Variants in GABRA3 observed in about 807,000 individuals in gnomAD.
The protein encoded by GABRA3 is gamma-aminobutyric acid receptor subunit alpha-3.
Under a neutral mutation model 30.1 loss-of-function variants are expected in GABRA3, and 10 were observed. That is an observed-to-expected ratio of 0.33 (90% CI 0.20 to 0.56). The LOEUF (loss-of-function observed/expected upper bound fraction) is 0.56, where lower values mean the gene tolerates loss of function less well. GABRA3 is among the 20% of genes least tolerant of loss of function. GABRA3 has a pLI of 0.89. For synonymous variants in GABRA3, 151 were observed against 146.8 expected (o/e 1.03, Z -0.21); for missense variants, 233 against 392.0 (o/e 0.59, Z 3.42).
intron 1 of GABRA3, among the ~76,000 whole-genome samples, chrX:152,387,954 A>G (rs1929368107): frequency 8.9e-6 from 1 of 111,761 alleles, no homozygotes; most frequent in East Asian, 2.8e-4. Context: ...ACTGGACAGA[A>G]AAAAACCAAA....
chrX:152,394,447 C>T, intron 1 of GABRA3: 1 of 385,768 alleles, frequency 2.6e-6, no homozygotes, highest in Middle Eastern at 4.3e-4. Context: ...ATCCGTGGTG[C>T]ATAAGCAGCC....
chrX:152,322,844 C>CT (rs1172827692), intron 3 of GABRA3, among the ~76,000 whole-genome samples: 2,883 of 61,232 alleles, frequency 0.047, 830 homozygotes, highest in African/African-American at 0.052. Flanking sequence ...AAAGTCTACT[C>CT]TTTTTTTTTT....
intron 5 of GABRA3, among the ~76,000 whole-genome samples, chrX:152,241,068 G>A (rs1400860594): frequency 9.1e-6 from 1 of 109,993 alleles, no homozygotes; most frequent in Admixed American, 9.7e-5. Flanking sequence ...GAGGAGAAGA[G>A]GCGCTCTGCG....
chrX:152,252,501 C>G (rs752073046), intron 5 of GABRA3, among the ~76,000 whole-genome samples: 2 of 110,807 alleles, frequency 1.8e-5, no homozygotes, highest in Admixed American at 9.7e-5. Context: ...ATAATAGTAC[C>G]TATCTCATAC....
chrX:152,396,067 T>C (rs1192210686), intron 1 of GABRA3, among the ~76,000 whole-genome samples: 2 of 112,075 alleles, frequency 1.8e-5, no homozygotes, highest in Non-Finnish European at 3.8e-5. Flanking sequence ...GTAGATGTAA[T>C]CAAGTTAAGA....
At position 152,206,408 on chromosome X, in the gene GABRA3, C is replaced by T. The variant is rs185278818; in HGVS notation, c.778+1593G>A. Reference sequence around the variant, plus strand: ...ACACATGTAAGGGGTCCAGTGGAGACGTGAGGGGACAGGAGGGTGTGTGAA... The same window carrying T: ...ACACATGTAAGGGGTCCAGTGGAGATGTGAGGGGACAGGAGGGTGTGTGAA... On this transcript the variant is annotated intron_variant, in intron 7 of 9. Coordinates refer to ENST00000370314, the MANE Select transcript of GABRA3 (RefSeq NM_000808.4). Among the ~76,000 whole-genome samples, 11 of 111,980 alleles carry T rather than the reference C, an allele frequency of 9.8e-5. No homozygotes were observed. In the East Asian group the frequency reaches 2.8e-3, roughly 29 times the overall value.
intron 3 of GABRA3, among the ~76,000 whole-genome samples, chrX:152,331,158 A>G (rs1419086645): frequency 1.9e-5 from 2 of 102,756 alleles, no homozygotes; most frequent in African/African-American, 3.7e-5. Context: ...CCAGAGGCTC[A>G]TCACATAAAA....
In GABRA3 at chrX:152,189,833, G is replaced by T. The variant is rs757021133; in HGVS notation, c.1040C>A (p.Ala347Asp). The change falls in exon 9 of 10, where the codon GCC becomes GAC. Residue 347 changes from alanine to aspartate, a missense_variant. By Grantham distance (126) the Ala-to-Asp change is moderately radical. Coordinates refer to ENST00000370314, the MANE Select transcript of GABRA3 (RefSeq NM_000808.4). ...AMDWFIAVCY[A>D]FVFSALIEFA... Reference sequence around the variant, plus strand: ...TTCAATCAGTGCAGAAAATACAAAGGCATAACAGACGGCTATGAACCAGTC... The same window carrying T: ...TTCAATCAGTGCAGAAAATACAAAGTCATAACAGACGGCTATGAACCAGTC... 8.3e-7 allele frequency: 1 copy of T among 1,206,196 alleles called. No individual in the cohort carries two copies. Among genetic ancestry groups the T allele is most frequent in the South Asian group, 1.8e-5 (1 of 56,514 alleles).
At chrX:152,263,872 T>A (rs1355701100) in intron 4 of GABRA3, among the ~76,000 whole-genome samples, 1 of 111,643 alleles carries the variant, frequency 9.0e-6, no homozygotes, top group Non-Finnish European at 1.9e-5. Flanking sequence ...CTCCAATACA[T>A]CTGGCAGCAG....
At chrX:152,270,262 C>T (rs1239903297) in intron 4 of GABRA3, among the ~76,000 whole-genome samples, 1 of 111,215 alleles carries the variant, frequency 9.0e-6, no homozygotes, top group African/African-American at 3.3e-5. Flanking sequence ...CTTTCCCCCC[C>T]TTTACTTGAC....
At chrX:152,367,766 T>C (rs907906907) in intron 1 of GABRA3, among the ~76,000 whole-genome samples, 4 of 111,315 alleles carry the variant, frequency 3.6e-5, no homozygotes, top group Non-Finnish European at 7.5e-5. Context: ...CACACATATA[T>C]AGACCTGGTC....
intron 1 of GABRA3, among the ~76,000 whole-genome samples, chrX:152,446,581 G>A (rs1198381511): frequency 3.7e-5 from 4 of 107,241 alleles, no homozygotes; most frequent in African/African-American, 1.0e-4. Flanking sequence ...ATTCTTCAAA[G>A]TACCACCCCT....
intron 1 of GABRA3, among the ~76,000 whole-genome samples, chrX:152,429,926 C>T (rs1425871830): frequency 8.9e-6 from 1 of 112,191 alleles, no homozygotes. Context: ...TAGACTGATA[C>T]TCAGATATGT....
intron 1 of GABRA3, among the ~76,000 whole-genome samples, chrX:152,426,271 A>C (rs897748731): frequency 9.0e-6 from 1 of 111,645 alleles, no homozygotes; most frequent in South Asian, 3.8e-4. Context: ...GGATACCATC[A>C]CCTACCTCAC....
intron 7 of GABRA3, among the ~76,000 whole-genome samples, chrX:152,199,322 T>C (rs759030908): frequency 6.6e-4 from 68 of 102,864 alleles, no homozygotes; most frequent in East Asian, 2.1e-3. Context: ...GCCAAGGTCG[T>C]GCCACTGCAC....
chrX:152,320,737 A>C (rs1299846528), intron 3 of GABRA3, among the ~76,000 whole-genome samples: 1 of 111,687 alleles, frequency 9.0e-6, no homozygotes, highest in Admixed American at 9.5e-5. Flanking sequence ...AAATCTAAAA[A>C]ACAAAAAAAA....
intron 4 of GABRA3, among the ~76,000 whole-genome samples, chrX:152,268,119 C>A (rs1323847387): frequency 9.1e-6 from 1 of 110,223 alleles, no homozygotes; most frequent in African/African-American, 3.3e-5. Context: ...GTGTCTATTG[C>A]TGTAAACTTT....
At chrX:152,240,814 C>T (rs1229882289) in intron 5 of GABRA3, among the ~76,000 whole-genome samples, 1 of 97,149 alleles carries the variant, frequency 1.0e-5, no homozygotes, top group African/African-American at 4.1e-5. Context: ...GCATTCTTCA[C>T]GTAGTTCTCG....
At chrX:152,409,247 T>TG (rs1349826315) in intron 1 of GABRA3, among the ~76,000 whole-genome samples, 3 of 111,286 alleles carry the variant, frequency 2.7e-5, no homozygotes, top group African/African-American at 3.3e-5. Context: ...TAGTTTCTGC[T>TG]ATTCAGGAGG....
Sources: allele counts gnomAD v4.1 joint callset (sites outside exome capture counted in the v4.1 genomes callset), GRCh38; gene constraint gnomAD v4.1.1; transcripts MANE v1.5; gene names NCBI Gene and HGNC (gene_info 2026-07-23, HGNC 2026-07-21).